CLTCL1: variants seen among roughly 807,000 people sequenced by gnomAD.
CLTCL1 encodes the protein clathrin heavy chain like 1.
CLTCL1 carries 159 observed loss-of-function variants against 190.0 expected under a neutral mutation model. The ratio of observed to expected loss-of-function variants is 0.84; its 90% CI spans 0.74 to 0.95. CLTCL1 has a LOEUF of 0.95. Among genes scored for constraint, CLTCL1 ranks in the 40% least tolerant of loss-of-function variants. CLTCL1 has a pLI of 0.00. For synonymous variants in CLTCL1, 752 were observed against 769.6 expected (o/e 0.98, Z 0.38); for missense variants, 1,878 against 2,033.4 (o/e 0.92, Z 1.47).
At chr22:19,214,608 T>C (rs1280398829) in intron 19 of CLTCL1, among the ~76,000 whole-genome samples, 1 of 152,196 alleles carries the variant, frequency 6.6e-6, no homozygotes, top group African/African-American at 2.4e-5. Context: ...TTCTGGTTTC[T>C]GTGACTGGCT....
chr22:19,261,524 G>A (rs2086949535), intron 2 of CLTCL1, among the ~76,000 whole-genome samples: 1 of 152,170 alleles, frequency 6.6e-6, no homozygotes, highest in Admixed American at 6.5e-5. Context: ...ATGCAACTAA[G>A]AACATTCGTG....
chr22:19,202,228 C>A (rs2084908273), intron 22 of CLTCL1, among the ~76,000 whole-genome samples: 1 of 152,064 alleles, frequency 6.6e-6, no homozygotes, highest in Non-Finnish European at 1.5e-5. Flanking sequence ...CAGTCCTGCT[C>A]AGAGCTAGTT....
intron 3 of CLTCL1, among the ~76,000 whole-genome samples, chr22:19,250,566 T>G (rs2086563067): frequency 6.6e-6 from 1 of 151,702 alleles, no homozygotes; most frequent in Non-Finnish European, 1.5e-5. Context: ...TTTTTTAATT[T>G]TTTTTTAGAC....
intron 27 of CLTCL1, among the ~76,000 whole-genome samples, chr22:19,190,785 T>C (rs531986386): frequency 3.4e-4 from 51 of 151,840 alleles, no homozygotes; most frequent in Admixed American, 1.1e-3. Context: ...CTTTTTTTTT[T>C]TTTTTCTTTT....
chr22:19,188,165 G>T, intron 27 of CLTCL1, 74 bp from the exon 28 acceptor site: 1 of 1,311,808 alleles, frequency 7.6e-7, no homozygotes, highest in African/African-American at 1.4e-5. Context: ...GCACAGGTGG[G>T]CACGTGCGTG....
intron 2 of CLTCL1, among the ~76,000 whole-genome samples, chr22:19,271,830 A>G (rs1220920653): frequency 6.6e-6 from 1 of 152,158 alleles, no homozygotes; most frequent in Non-Finnish European, 1.5e-5. Context: ...TTCTTGGCCA[A>G]TTGAGGTGGC....
intron 11 of CLTCL1, among the ~76,000 whole-genome samples, chr22:19,227,326 CGAA>C (rs1158057098): frequency 2.1e-5 from 3 of 144,082 alleles, no homozygotes; most frequent in Non-Finnish European, 4.5e-5. Context: ...GTTGCCCAGG[CGAA>C]TGGAGTGCAG....
intron 13 of CLTCL1, among the ~76,000 whole-genome samples, chr22:19,225,214 C>T (rs1453829985): frequency 2.0e-5 from 3 of 152,318 alleles, no homozygotes; most frequent in East Asian, 1.9e-4. Context: ...ATAAGTTTCT[C>T]CATCCCATCA....
chr22:19,191,243 C>T, intron 27 of CLTCL1, 61 bp downstream of exon 27: 1 of 1,597,922 alleles, frequency 6.3e-7, no homozygotes, highest in South Asian at 1.1e-5. Flanking sequence ...TGCTATCATT[C>T]AGATGACTTT....
At chr22:19,264,033 G>A (rs955646406) in intron 2 of CLTCL1, among the ~76,000 whole-genome samples, 4 of 152,016 alleles carry the variant, frequency 2.6e-5, no homozygotes, top group Non-Finnish European at 4.4e-5. Context: ...AGTGGTTCAC[G>A]CCTGTAATCC....
chr22:19,196,724 T>G, intron 24 of CLTCL1, 68 bp from the exon 25 acceptor site: 2 of 1,530,856 alleles, frequency 1.3e-6, no homozygotes, highest in Non-Finnish European at 1.8e-6. Context: ...CTCCAGCCCA[T>G]GCCCACGCCG....
chr22:19,191,204 G>A lies in CLTCL1; in HGVS notation c.4323+100C>T. On this transcript the variant is annotated intron_variant, in intron 27 of 32. Transcript: ENST00000427926. ...CACTGGTGAATCTTCAAGTCAGCTGGGGGTCATTTCAAAAACTCTTTATAA... is the reference window on the plus strand; with the variant it reads ...CACTGGTGAATCTTCAAGTCAGCTGAGGGTCATTTCAAAAACTCTTTATAA... The A allele has an allele frequency of 4.9e-6, 7 of 1,423,370 alleles. No homozygotes were observed. The South Asian group carries it at 9.1e-5, about 19-fold the overall frequency. 88.2% of individuals were successfully genotyped at this position (1,423,370 alleles called of 1,614,324 possible). A position where few individuals can be genotyped will look rare whatever the true frequency, so the allele number is the denominator to read the frequency against.
At chr22:19,265,996 T>A (rs1473304411) in intron 2 of CLTCL1, among the ~76,000 whole-genome samples, 1 of 152,014 alleles carries the variant, frequency 6.6e-6, no homozygotes, top group Non-Finnish European at 1.5e-5. Flanking sequence ...GCCTCAGACT[T>A]CTGAGTAGCT....
At chr22:19,193,810 T>C (rs2084599584) in intron 26 of CLTCL1, among the ~76,000 whole-genome samples, 2 of 152,220 alleles carry the variant, frequency 1.3e-5, no homozygotes, top group African/African-American at 4.8e-5. Context: ...TCTGGTGGGT[T>C]CGTGATCTGG....
intron 2 of CLTCL1, among the ~76,000 whole-genome samples, chr22:19,265,329 A>T (rs2087086551): frequency 6.6e-6 from 1 of 152,194 alleles, no homozygotes; most frequent in Non-Finnish European, 1.5e-5. Flanking sequence ...AATGACTTCT[A>T]ATCAGACTGA....
Position 19,235,842 on chromosome 22 carries a change from A to G in CLTCL1, c.823T>C (p.Leu275=). Residue 275 remains leucine (L), a synonymous_variant, in exon 6 of 33, where the codon TTG becomes CTG. Transcript: ENST00000427926. ...QIGAKHGVIY[L]ITKYGYLHLY... ...TGAAGATAGCCATACTTTGTGATCA[A>G]GTAAATAACACCATGTTTAGCTCCA... 6.2e-7 allele frequency: 1 copy of G among 1,613,974 alleles called. No homozygotes were observed. The highest frequency in any genetic ancestry group is 8.5e-7 in the Non-Finnish European group (1 of 1,179,882).
At chr22:19,230,093 CCTTGGTTT>C in intron 10 of CLTCL1, 118 bp from the exon 11 acceptor site, 1 of 741,876 alleles carries the variant, frequency 1.3e-6, no homozygotes, top group Non-Finnish European at 1.9e-6. Context: ...TAGTTCCCTC[CCTTGGTTT>C]TTTTTTTTTT....
intron 1 of CLTCL1, among the ~76,000 whole-genome samples, chr22:19,284,906 G>A (rs553834583): frequency 6.6e-6 from 1 of 152,288 alleles, no homozygotes; most frequent in South Asian, 2.1e-4. Context: ...AGTGAGCTGA[G>A]ATCATGCCAC....
At chr22:19,231,045 C>A (rs781803735) in intron 10 of CLTCL1, among the ~76,000 whole-genome samples, 31 of 152,114 alleles carry the variant, frequency 2.0e-4, no homozygotes, top group Middle Eastern at 3.2e-3. Flanking sequence ...ACACCAAAGG[C>A]CCCCCAGGGT....
Sources: allele counts gnomAD v4.1 joint callset (sites outside exome capture counted in the v4.1 genomes callset), GRCh38; gene constraint gnomAD v4.1.1; transcripts MANE v1.5; gene names NCBI Gene and HGNC (gene_info 2026-07-23, HGNC 2026-07-21).